AGMO: variants seen among roughly 807,000 people sequenced by gnomAD.
The protein encoded by AGMO is alkylglycerol monooxygenase.
In AGMO, 75 loss-of-function variants were observed where a neutral mutation model predicts 60.2. The observed-to-expected ratio is 1.25, with a 90% confidence interval of 1.03 to 1.51. The LOEUF is 1.51. Among genes scored for constraint, AGMO ranks in the 40% most tolerant of loss-of-function variants. The pLI is 0.00. For synonymous variants in AGMO, 261 were observed against 177.1 expected (o/e 1.47, Z -3.76); for missense variants, 763 against 525.5 (o/e 1.45, Z -4.42).
Position 15,373,863 on chromosome 7 carries a change from G to T in AGMO, c.1075-7641C>A, listed in dbSNP as rs113712279. Among the ~76,000 whole-genome samples, 60 of 152,236 alleles carry T rather than the reference G, an allele frequency of 3.9e-4. 1 individual carries two copies. In the South Asian group the frequency reaches 6.4e-3, roughly 16 times the overall value. On this transcript the variant is annotated intron_variant, in intron 10 of 12. Coordinates refer to ENST00000342526, the MANE Select transcript of AGMO (RefSeq NM_001004320.2). The stretch of plus-strand genomic sequence containing the variant: ...AAGGTGCCTGACAAGGTCTACAAAA[G>T]TTATTATTTTGATTAATGCTCATCT...
intron 3 of AGMO, among the ~76,000 whole-genome samples, chr7:15,543,530 G>A (rs897918565): frequency 6.6e-6 from 1 of 152,100 alleles, no homozygotes; most frequent in African/African-American, 2.4e-5. Flanking sequence ...TTTGTAATGT[G>A]GAAGTACTGC....
In AGMO at chr7:15,384,095, T is replaced by C. The variant is rs536738258; in HGVS notation, c.1074+1351A>G. ...GGACTACAGGGCCCGCCACCATGCC[T>C]GGCTACTTATTTTTGTATTTTTCAG... is the stretch of plus-strand genomic sequence containing the variant. On this transcript the variant is annotated intron_variant, in intron 10 of 12. Transcript: ENST00000342526. Among the ~76,000 whole-genome samples, 35 of 152,204 alleles carry C rather than the reference T, an allele frequency of 2.3e-4. 1 individual carries two copies. The Middle Eastern group carries it at 0.024, about 104-fold the overall frequency.
intron 3 of AGMO, among the ~76,000 whole-genome samples, chr7:15,536,355 T>G (rs1032548125): frequency 2.0e-5 from 3 of 152,078 alleles, no homozygotes; most frequent in East Asian, 1.9e-4. Flanking sequence ...CAATGATACT[T>G]GAAATTTAAT....
At chr7:15,506,277 A>C (rs1783510297) in intron 3 of AGMO, among the ~76,000 whole-genome samples, 1 of 61,276 alleles carries the variant, frequency 1.6e-5, no homozygotes. Flanking sequence ...AATTACTATT[A>C]CTTTTTTTTT....
chr7:15,534,642 A>G (rs1449938473), intron 3 of AGMO, among the ~76,000 whole-genome samples: 3 of 151,934 alleles, frequency 2.0e-5, no homozygotes, highest in Non-Finnish European at 4.4e-5. Flanking sequence ...TTTGATAAAT[A>G]GAAATCAATA....
At position 15,216,833 on chromosome 7, in the gene AGMO, A is replaced by ATGTGT. The variant is rs112966024; in HGVS notation, c.1264-15475_1264-15474insACACA. Reference sequence around the variant, plus strand: ...GTGCAAGAAACAAAGTGAAAGAAAAAGTGTGTGTGTGTGTGTGTGTGTGTG... The same window carrying ATGTGT: ...GTGCAAGAAACAAAGTGAAAGAAAAATGTGTGTGTGTGTGTGTGTGTGTGTGTGTG... On this transcript the variant is annotated intron_variant, in intron 12 of 12. Transcript: ENST00000342526. 3.5e-4 allele frequency among the ~76,000 whole-genome samples: 52 copies of ATGTGT among 147,114 alleles called. No individual in the cohort carries two copies. The East Asian group carries it at 6.8e-3, about 19-fold the overall frequency.
chr7:15,353,043 C>T (rs1411203622), intron 12 of AGMO, among the ~76,000 whole-genome samples: 3 of 151,970 alleles, frequency 2.0e-5, no homozygotes, highest in African/African-American at 7.2e-5. Flanking sequence ...GGAGGTGAAA[C>T]GCAGGCCCTT....
chr7:15,355,316 C>T (rs1297295303), intron 12 of AGMO, among the ~76,000 whole-genome samples: 2 of 151,880 alleles, frequency 1.3e-5, no homozygotes, highest in Non-Finnish European at 2.9e-5. Context: ...TCCTGGCTAA[C>T]ACGGTGAAAC....
At chr7:15,552,262 A>G (rs1242627363) in intron 2 of AGMO, among the ~76,000 whole-genome samples, 2 of 152,224 alleles carry the variant, frequency 1.3e-5, no homozygotes, top group Non-Finnish European at 2.9e-5. Flanking sequence ...AGGCATGGGC[A>G]AGGACTTCAT....
chr7:15,368,282 A>C (rs77698888), intron 10 of AGMO, among the ~76,000 whole-genome samples: 1 of 147,130 alleles, frequency 6.8e-6, no homozygotes, highest in African/African-American at 2.5e-5. Flanking sequence ...AATGAGACCA[A>C]AAAAAAAAAA....
At chr7:15,204,142 AAT>A (rs550375276) in intron 12 of AGMO, among the ~76,000 whole-genome samples, 119 of 152,268 alleles carry the variant, frequency 7.8e-4, no homozygotes, top group African/African-American at 2.6e-3. Flanking sequence ...TACACTTTAG[AAT>A]ATATGTGTTT....
At chr7:15,455,140 G>C (rs951030950) in intron 3 of AGMO, among the ~76,000 whole-genome samples, 5 of 150,436 alleles carry the variant, frequency 3.3e-5, no homozygotes, top group Non-Finnish European at 7.4e-5. Flanking sequence ...CCTCTCAATA[G>C]AGTTATATTA....
intron 3 of AGMO, among the ~76,000 whole-genome samples, chr7:15,480,636 G>T (rs2128516972): frequency 6.6e-6 from 1 of 152,196 alleles, no homozygotes; most frequent in South Asian, 2.1e-4. Flanking sequence ...GAACTATTTT[G>T]CTTTAAAGTG....
At chr7:15,450,406 C>T (rs569252657) in intron 3 of AGMO, among the ~76,000 whole-genome samples, 4 of 145,232 alleles carry the variant, frequency 2.8e-5, no homozygotes, top group South Asian at 2.2e-4. Flanking sequence ...GGCAACAGAG[C>T]GAGTCTCCAT....
At chr7:15,398,253 G>C (rs868538531) in intron 5 of AGMO, among the ~76,000 whole-genome samples, 1 of 152,166 alleles carries the variant, frequency 6.6e-6, no homozygotes, top group African/African-American at 2.4e-5. Context: ...CAGATGATTG[G>C]AGCCTTGGCT....
chr7:15,282,431 G>A (rs954960182), intron 12 of AGMO, among the ~76,000 whole-genome samples: 10 of 152,110 alleles, frequency 6.6e-5, no homozygotes, highest in African/African-American at 2.4e-4. Flanking sequence ...GTTACAAAAT[G>A]TAGTGGAATG....
At chr7:15,235,782 G>T (rs1232695911) in intron 12 of AGMO, among the ~76,000 whole-genome samples, 1 of 152,088 alleles carries the variant, frequency 6.6e-6, no homozygotes, top group African/African-American at 2.4e-5. Context: ...GATAGAAGAA[G>T]GAAGCAATTC....
At chr7:15,389,940 CCAGT>C (rs1784069848) in intron 8 of AGMO, among the ~76,000 whole-genome samples, 2 of 152,250 alleles carry the variant, frequency 1.3e-5, no homozygotes, top group East Asian at 1.9e-4. Context: ...CCAACATGAG[CCAGT>C]AAGTTCCTCA....
chr7:15,291,975 T>G (rs2128522422), intron 12 of AGMO, among the ~76,000 whole-genome samples: 1 of 152,250 alleles, frequency 6.6e-6, no homozygotes, highest in East Asian at 1.9e-4. Flanking sequence ...TGCGACCACG[T>G]GTCAAGTATA....
Sources: allele counts gnomAD v4.1 joint callset (sites outside exome capture counted in the v4.1 genomes callset), GRCh38; gene constraint gnomAD v4.1.1; transcripts MANE v1.5; gene names NCBI Gene and HGNC (gene_info 2026-07-23, HGNC 2026-07-21).